Variants in CALN1 observed in about 807,000 individuals in gnomAD.
The protein encoded by CALN1 is calneuron 1, also known as calcium-binding protein 8.
A neutral mutation model predicts 30.6 loss-of-function variants in CALN1; 17 were observed. That is an observed-to-expected ratio of 0.56 (90% confidence interval 0.38 to 0.83). CALN1 has a LOEUF of 0.83. Ranked by LOEUF, CALN1 falls within the 40% of genes least tolerant of loss-of-function variation. The pLI, the probability that CALN1 is intolerant of heterozygous loss-of-function variation, is 0.00. For synonymous variants in CALN1, 156 were observed against 131.4 expected (o/e 1.19, Z -1.28); for missense variants, 291 against 354.9 (o/e 0.82, Z 1.45).
chr7:71,940,820 C>G (rs928474976), intron 5 of CALN1, among the ~76,000 whole-genome samples: 1 of 152,070 alleles, frequency 6.6e-6, no homozygotes, highest in Non-Finnish European at 1.5e-5. Context: ...GCCATGGTGC[C>G]CAGGCTGATC....
chr7:72,503,657 G>A, the CALN1 span, among the ~76,000 whole-genome samples: 4 of 151,866 alleles, frequency 2.6e-5, no homozygotes, highest in Admixed American at 1.3e-4. Flanking sequence ...CCTGAAAACC[G>A]AGGAAGCCAG....
intron 4 of CALN1, among the ~76,000 whole-genome samples, chr7:72,057,015 A>T (rs1246943675): frequency 6.6e-6 from 1 of 152,112 alleles, no homozygotes; most frequent in African/African-American, 2.4e-5. Context: ...ATCATAGATC[A>T]TTACAGCCTC....
chr7:71,923,550 T>C (rs1332139980), intron 5 of CALN1, among the ~76,000 whole-genome samples: 1 of 152,202 alleles, frequency 6.6e-6, no homozygotes, highest in Non-Finnish European at 1.5e-5. Flanking sequence ...CAATTCCATC[T>C]GCAGCCAGCA....
chr7:72,396,474 A>G (rs1489386886), intron 2 of CALN1, among the ~76,000 whole-genome samples: 1 of 151,820 alleles, frequency 6.6e-6, no homozygotes, highest in Non-Finnish European at 1.5e-5. Flanking sequence ...AATGTATGCA[A>G]TTTTTCTTGG....
chr7:72,424,342 AG>A (rs1176861431), intron 1 of CALN1, among the ~76,000 whole-genome samples: 22 of 152,284 alleles, frequency 1.4e-4, no homozygotes, highest in African/African-American at 5.1e-4. Flanking sequence ...GACCCACTTG[AG>A]TTGAGTCATA....
intron 2 of CALN1, among the ~76,000 whole-genome samples, chr7:72,402,129 T>C (rs1359289450): frequency 6.6e-6 from 1 of 152,064 alleles, no homozygotes; most frequent in Non-Finnish European, 1.5e-5. Context: ...CATTGTCCTA[T>C]TCCAGATGCT....
rs560803510 is a variant in CALN1 at position 72,408,205 on chromosome 7, G to A, written c.-74+3853C>T. ...CCCAGCACTTTGGGAGGCCAAGGGGGGTGGATCACCCAAGGTCAGGAGTTT... is the reference window on the plus strand; with the variant it reads ...CCCAGCACTTTGGGAGGCCAAGGGGAGTGGATCACCCAAGGTCAGGAGTTT... On this transcript the variant is annotated intron_variant, in intron 1 of 6. Transcript: ENST00000395275. 4.0e-5 allele frequency among the ~76,000 whole-genome samples: 6 copies of A among 151,858 alleles called. No individual in the cohort carries two copies. In the South Asian group the frequency reaches 1.3e-3, roughly 32 times the overall value.
At chr7:72,339,740 C>T (rs758572758) in intron 2 of CALN1, among the ~76,000 whole-genome samples, 4 of 152,214 alleles carry the variant, frequency 2.6e-5, no homozygotes, top group Non-Finnish European at 4.4e-5. Flanking sequence ...GCACATCTTA[C>T]ATGGCAGCAA....
intron 3 of CALN1, among the ~76,000 whole-genome samples, chr7:72,106,926 G>A (rs547918179): frequency 1.2e-4 from 18 of 148,892 alleles, no homozygotes; most frequent in African/African-American, 3.0e-4. Context: ...AGAAAGGAAC[G>A]CAGGCAGACA....
chr7:72,134,100 T>C (rs1388794198), intron 3 of CALN1, among the ~76,000 whole-genome samples: 1 of 152,192 alleles, frequency 6.6e-6, no homozygotes, highest in East Asian at 1.9e-4. Context: ...TGGAGGGACC[T>C]AGCTTAGGCC....
chr7:72,405,416 T>C (rs1051555404), intron 1 of CALN1, among the ~76,000 whole-genome samples: 2 of 152,166 alleles, frequency 1.3e-5, no homozygotes, highest in African/African-American at 4.8e-5. Flanking sequence ...TTAACAATTA[T>C]GGTGGAAGGC....
At chr7:72,475,322 G>A in the CALN1 span, among the ~76,000 whole-genome samples, 1 of 152,102 alleles carries the variant, frequency 6.6e-6, no homozygotes, top group East Asian at 1.9e-4. Context: ...AGGCATGGTG[G>A]CACGCGCCTG....
intron 2 of CALN1, among the ~76,000 whole-genome samples, chr7:72,291,959 G>GC (rs1283235216): frequency 6.6e-6 from 1 of 150,684 alleles, no homozygotes; most frequent in Non-Finnish European, 1.5e-5. Context: ...GCAGATAGGG[G>GC]CCACCGCACT....
At chr7:72,404,795 G>C (rs1806590592) in intron 1 of CALN1, among the ~76,000 whole-genome samples, 1 of 152,214 alleles carries the variant, frequency 6.6e-6, no homozygotes, top group Non-Finnish European at 1.5e-5. Flanking sequence ...TTGAAGAGCT[G>C]TATGTGGATG....
At chr7:72,087,433 G>C (rs770797132) in intron 4 of CALN1, among the ~76,000 whole-genome samples, 18 of 152,158 alleles carry the variant, frequency 1.2e-4, no homozygotes, top group Non-Finnish European at 2.5e-4. Flanking sequence ...TTGGGAGGCT[G>C]AGGCAGCCAC....
At chr7:71,945,358 G>T (rs1048041139) in intron 5 of CALN1, among the ~76,000 whole-genome samples, 11 of 152,148 alleles carry the variant, frequency 7.2e-5, no homozygotes, top group African/African-American at 2.7e-4. Context: ...AAGTCAACAA[G>T]ATACACAAAA....
chr7:72,433,363 C>CA (rs1808039691), intron 1 of CALN1, among the ~76,000 whole-genome samples: 1 of 152,024 alleles, frequency 6.6e-6, no homozygotes, highest in African/African-American at 2.4e-5. Flanking sequence ...TAAACAGGAA[C>CA]AAAAAAGAAA....
chr7:72,225,483 A>T (rs545787255), intron 3 of CALN1, among the ~76,000 whole-genome samples: 5 of 152,032 alleles, frequency 3.3e-5, no homozygotes, highest in Non-Finnish European at 7.4e-5. Context: ...CTTCAAAAGG[A>T]GTGGCCAATG....
chr7:72,343,510 G>T (rs113041101), intron 2 of CALN1, among the ~76,000 whole-genome samples: 5,147 of 151,132 alleles, frequency 0.034, 265 homozygotes, highest in African/African-American at 0.11. Flanking sequence ...ATCAGCCACT[G>T]CACTCCAGCA....
Sources: allele counts gnomAD v4.1 joint callset (sites outside exome capture counted in the v4.1 genomes callset), GRCh38; gene constraint gnomAD v4.1.1; transcripts MANE v1.5; gene names NCBI Gene and HGNC (gene_info 2026-07-23, HGNC 2026-07-21).